The following RUNDC3B variants were observed in gnomAD, a reference collection of about 807,000 sequenced individuals.
RUNDC3B encodes RUN domain-containing protein 3B.
A neutral mutation model predicts 58.4 loss-of-function variants in RUNDC3B; 33 were observed. That is an observed-to-expected ratio of 0.56 (90% CI 0.43 to 0.75). The LOEUF is 0.75. RUNDC3B is among the 30% of genes least tolerant of loss of function. The pLI, the probability that RUNDC3B is intolerant of heterozygous loss-of-function variation, is 0.00. For synonymous variants in RUNDC3B, 193 were observed against 195.2 expected, an observed-to-expected ratio of 0.99 and a Z score of 0.10; for missense variants, 501 against 535.7, an observed-to-expected ratio of 0.94 and a Z score of 0.64.
intron 3 of RUNDC3B, among the ~76,000 whole-genome samples, chr7:87,706,112 A>G (rs1326478097): frequency 6.6e-6 from 1 of 152,162 alleles, no homozygotes; most frequent in African/African-American, 2.4e-5. Context: ...TTGTTTAATT[A>G]GACCAGTTTC....
intron 6 of RUNDC3B, among the ~76,000 whole-genome samples, chr7:87,768,621 A>C (rs894641256): frequency 2.0e-5 from 3 of 152,164 alleles, no homozygotes; most frequent in Admixed American, 6.5e-5. Context: ...GCTCTCTGAC[A>C]ATTCACTTCT....
At chr7:87,769,296 C>G (rs372975391) in intron 6 of RUNDC3B, among the ~76,000 whole-genome samples, 1 of 152,124 alleles carries the variant, frequency 6.6e-6, no homozygotes, top group Admixed American at 6.5e-5. Context: ...CAGGAATGAG[C>G]TAATATGCCC....
At chr7:87,699,938 A>C (rs1031496183) in intron 2 of RUNDC3B, among the ~76,000 whole-genome samples, 4 of 152,216 alleles carry the variant, frequency 2.6e-5, no homozygotes, top group African/African-American at 9.6e-5. Flanking sequence ...TAAAGTAAAC[A>C]ACACATTGTA....
chr7:87,733,474 A>G (rs763580774), intron 4 of RUNDC3B, among the ~76,000 whole-genome samples: 12 of 152,210 alleles, frequency 7.9e-5, no homozygotes, highest in Non-Finnish European at 1.8e-4. Flanking sequence ...ATAAAAATTA[A>G]AACTTTGTGT....
chr7:87,707,209 A>T (rs1829679211), intron 3 of RUNDC3B, among the ~76,000 whole-genome samples: 1 of 152,178 alleles, frequency 6.6e-6, no homozygotes, highest in Non-Finnish European at 1.5e-5. Context: ...CAGGCACATC[A>T]AGAAACAAGA....
intron 3 of RUNDC3B, among the ~76,000 whole-genome samples, chr7:87,708,471 A>C (rs1011193173): frequency 2.0e-5 from 3 of 152,168 alleles, no homozygotes; most frequent in Non-Finnish European, 4.4e-5. Flanking sequence ...TGGATATGTG[A>C]TATTTTTGCT....
At chr7:87,777,458 CAAA>C (rs1219769523) in intron 7 of RUNDC3B, among the ~76,000 whole-genome samples, 1 of 152,152 alleles carries the variant, frequency 6.6e-6, no homozygotes, top group African/African-American at 2.4e-5. Flanking sequence ...AAAATAATCA[CAAA>C]GAAGCAACTT....
At chr7:87,781,982 T>C (rs1398181017) in intron 8 of RUNDC3B, among the ~76,000 whole-genome samples, 1 of 152,108 alleles carries the variant, frequency 6.6e-6, no homozygotes, top group East Asian at 1.9e-4. Context: ...ATCAAGATGA[T>C]GCTGGCTTCC....
intron 6 of RUNDC3B, among the ~76,000 whole-genome samples, chr7:87,761,226 T>C (rs1313118141): frequency 6.6e-6 from 1 of 151,960 alleles, no homozygotes; most frequent in Non-Finnish European, 1.5e-5. Context: ...CATGAAATGA[T>C]ACTCAACATC....
chr7:87,791,916 T>C (rs1384056456), intron 8 of RUNDC3B, among the ~76,000 whole-genome samples: 1 of 151,902 alleles, frequency 6.6e-6, no homozygotes, highest in Non-Finnish European at 1.5e-5. Context: ...CGAAAAGACA[T>C]AGAGTCACTT....
intron 4 of RUNDC3B, among the ~76,000 whole-genome samples, chr7:87,720,666 C>A (rs1245711528): frequency 6.6e-6 from 1 of 150,736 alleles, no homozygotes; most frequent in Non-Finnish European, 1.5e-5. Flanking sequence ...CAGTGGTGAG[C>A]TCTGGCTCAC....
At chr7:87,750,203 T>C (rs1311954464) in intron 6 of RUNDC3B, among the ~76,000 whole-genome samples, 3 of 152,334 alleles carry the variant, frequency 2.0e-5, no homozygotes, top group South Asian at 2.1e-4. Flanking sequence ...ACAAAGGACA[T>C]GAACTTATCA....
At position 87,677,274 on chromosome 7, in the gene RUNDC3B, AACACAC is replaced by A. The variant is rs57009840; in HGVS notation, c.239-23116_239-23111del. Among the ~76,000 whole-genome samples, 143 of 135,886 alleles carry A rather than the reference AACACAC, an allele frequency of 1.1e-3. 1 individual carries two copies. The highest frequency in any genetic ancestry group is 7.9e-3 in the South Asian group (33 of 4,170). 89.1% of individuals were successfully genotyped at this position (135,886 alleles called of 152,430 possible). A position where few individuals can be genotyped will look rare whatever the true frequency, so the allele number is the denominator to read the frequency against. ...TGGATTAATAAACTACAGTGTATAT[AACACAC>A]ACACACACACACACACACACACACA... On this transcript the variant is annotated intron_variant, in intron 2 of 10. Transcript: ENST00000394654.
At chr7:87,725,314 C>T (rs1186046430) in intron 4 of RUNDC3B, among the ~76,000 whole-genome samples, 8 of 152,112 alleles carry the variant, frequency 5.3e-5, no homozygotes, top group East Asian at 1.9e-4. Flanking sequence ...TTGTTCAATT[C>T]GCACCTATAA....
chr7:87,681,638 AG>A (rs906461208), intron 2 of RUNDC3B, among the ~76,000 whole-genome samples: 1 of 150,606 alleles, frequency 6.6e-6, no homozygotes, highest in African/African-American at 2.5e-5. Flanking sequence ...TTGCTGGTGG[AG>A]GGTCTTGCCT....
At chr7:87,776,664 G>T (rs979360628) in intron 7 of RUNDC3B, among the ~76,000 whole-genome samples, 20 of 151,766 alleles carry the variant, frequency 1.3e-4, no homozygotes, top group African/African-American at 4.8e-4. Flanking sequence ...AATATATATT[G>T]TTTATATTAA....
At chr7:87,654,620 T>C (rs1327038226) in intron 2 of RUNDC3B, among the ~76,000 whole-genome samples, 2 of 151,970 alleles carry the variant, frequency 1.3e-5, no homozygotes, top group African/African-American at 4.8e-5. Context: ...AACTGTAAAA[T>C]TACTAGAAGA....
At chr7:87,660,877 A>G (rs993953386) in intron 2 of RUNDC3B, among the ~76,000 whole-genome samples, 4 of 151,812 alleles carry the variant, frequency 2.6e-5, no homozygotes, top group South Asian at 2.1e-4. Context: ...TTACCTTTTC[A>G]TATTTACTTC....
At chr7:87,694,567 A>G (rs1242961584) in intron 2 of RUNDC3B, among the ~76,000 whole-genome samples, 1 of 152,212 alleles carries the variant, frequency 6.6e-6, no homozygotes, top group East Asian at 1.9e-4. Context: ...TAATTCCCAC[A>G]ATTAATCCTT....
Sources: allele counts gnomAD v4.1 joint callset (sites outside exome capture counted in the v4.1 genomes callset), GRCh38; gene constraint gnomAD v4.1.1; transcripts MANE v1.5; gene names NCBI Gene and HGNC (gene_info 2026-07-23, HGNC 2026-07-21).